Variants in AP4E1 observed in about 807,000 individuals in gnomAD.
The protein encoded by AP4E1 is AP-4 complex subunit epsilon-1.
A neutral mutation model predicts 128.2 loss-of-function variants in AP4E1; 56 were observed. The ratio of observed to expected loss-of-function variants is 0.44; its 90% CI spans 0.35 to 0.55. The LOEUF (loss-of-function observed/expected upper bound fraction) is 0.55. Among genes scored for constraint, AP4E1 ranks in the 20% least tolerant of loss-of-function variants. AP4E1 has a pLI of 0.00. For synonymous variants in AP4E1, 484 were observed against 473.1 expected (o/e 1.02, Z -0.30); for missense variants, 1,324 against 1,307.7 (o/e 1.01, Z -0.19).
chr15:50,990,518 C>G (rs867733722), intron 16 of AP4E1, among the ~76,000 whole-genome samples: 1 of 151,674 alleles, frequency 6.6e-6, no homozygotes, highest in South Asian at 2.1e-4. Flanking sequence ...CATTCAAAGC[C>G]GGGATTACAG....
chr15:50,971,556 C>T (rs1297002279), intron 15 of AP4E1, among the ~76,000 whole-genome samples: 1 of 152,114 alleles, frequency 6.6e-6, no homozygotes, highest in Non-Finnish European at 1.5e-5. Flanking sequence ...CTTCTCTTCT[C>T]CTTCTGAAAT....
At chr15:50,917,850 A>G (rs1273630769) in intron 3 of AP4E1, among the ~76,000 whole-genome samples, 1 of 152,232 alleles carries the variant, frequency 6.6e-6, no homozygotes, top group Non-Finnish European at 1.5e-5. Context: ...GTGTAATCCC[A>G]GCACTTTGGG....
chr15:50,968,584 C>G, intron 15 of AP4E1, among the ~76,000 whole-genome samples: 1 of 152,080 alleles, frequency 6.6e-6, no homozygotes, highest in Non-Finnish European at 1.5e-5. Flanking sequence ...CATAGGCTCT[C>G]TATCCACAAA....
intron 15 of AP4E1, among the ~76,000 whole-genome samples, chr15:50,983,477 A>G (rs2064670157): frequency 6.6e-6 from 1 of 152,174 alleles, no homozygotes; most frequent in Admixed American, 6.5e-5. Context: ...GAGAGTGGAT[A>G]TTGGCATCTG....
intron 14 of AP4E1, among the ~76,000 whole-genome samples, chr15:50,964,570 A>C (rs1228915620): frequency 6.7e-6 from 1 of 148,188 alleles, no homozygotes; most frequent in Non-Finnish European, 1.5e-5. Flanking sequence ...TCACATTGAC[A>C]TATGTGTATC....
At chr15:50,916,350 A>C (rs1222703033) in intron 3 of AP4E1, among the ~76,000 whole-genome samples, 3 of 152,234 alleles carry the variant, frequency 2.0e-5, no homozygotes, top group Non-Finnish European at 2.9e-5. Flanking sequence ...TTAGCTTCTC[A>C]AATGTTAGCT....
chr15:50,907,609 T>C (rs2063501927), upstream of AP4E1, among the ~76,000 whole-genome samples: 1 of 152,150 alleles, frequency 6.6e-6, no homozygotes, highest in Admixed American at 6.5e-5. Context: ...ATTTATGCCC[T>C]AAACCTACTA....
Position 50,915,564 on chromosome 15 carries a change from AAG to A in AP4E1, c.342_343del (p.Arg114SerfsTer12). 1 of 1,613,602 alleles carries A rather than the reference AAG, an allele frequency of 6.2e-7. No individual in the cohort carries two copies. The highest frequency in any genetic ancestry group is 8.5e-7 in the Non-Finnish European group (1 of 1,179,716). On this transcript the variant is annotated frameshift_variant, in exon 3 of 21. Coordinates refer to ENST00000261842, the MANE Select transcript of AP4E1 (RefSeq NM_007347.5). LOFTEE classifies it high-confidence loss of function. ...CCCAACAAGGAAACCTCTTAGAAAA[AAG>A]AGTAGGTATGTATGTGTTTTAAGAC... is the stretch of plus-strand genomic sequence containing the variant. Reference protein sequence around the residue: ...LAQQGNLLEKRVGYLAVSLFL... With the variant: ...LAQQGNLLEKXVGYLAVSLFL...
chr15:50,973,343 TTC>T (rs1358959749), intron 15 of AP4E1, among the ~76,000 whole-genome samples: 4 of 152,228 alleles, frequency 2.6e-5, no homozygotes, highest in Non-Finnish European at 4.4e-5. Context: ...AGGCCTGATG[TTC>T]TCTTTTTCCA....
chr15:50,972,214 CTTTCTTTT>C (rs890466850), intron 15 of AP4E1, among the ~76,000 whole-genome samples: 125 of 151,910 alleles, frequency 8.2e-4, no homozygotes, highest in African/African-American at 2.8e-3. Flanking sequence ...TTCTTTCTTT[CTTTCTTTT>C]TTCTTTTGAG....
chr15:50,997,337 A>G lies in AP4E1; in HGVS notation c.2358A>G (p.Ala786=), dbSNP rs1347434097. 4.4e-6 allele frequency: 7 copies of G among 1,596,428 alleles called. No homozygotes were observed. The highest frequency in any genetic ancestry group is 6.0e-6 in the Non-Finnish European group (7 of 1,175,576). The stretch of plus-strand genomic sequence containing the variant: ...TTTTATTTTTGCAGCTGGGAAAAGC[A>G]GATACTGTCTCTCACAAGTTCAGAA... ...SESTINLLGK[A]DTVSHKFRRK... is the part of the protein sequence containing the mutation. The change falls in exon 18 of 21, where the codon GCA becomes GCG. Residue 786 remains alanine, a synonymous_variant. Transcript: ENST00000261842.
intron 13 of AP4E1, among the ~76,000 whole-genome samples, chr15:50,950,669 A>C (rs1420333374): frequency 6.6e-6 from 1 of 151,920 alleles, no homozygotes; most frequent in Non-Finnish European, 1.5e-5. Context: ...GGTTTGTTAC[A>C]TAGGTAAACG....
chr15:50,988,275 C>T (rs2064756200), intron 16 of AP4E1, among the ~76,000 whole-genome samples: 1 of 152,094 alleles, frequency 6.6e-6, no homozygotes, highest in Non-Finnish European at 1.5e-5. Flanking sequence ...GAACTCAGTT[C>T]TGCTGATCAT....
Position 50,929,038 on chromosome 15 carries a change from CATT to C in AP4E1, c.575_577del (p.Leu192del), listed in dbSNP as rs1401220507. ...ATTGTACGAAGAAAAGCTGTTCTGG[CATT>C]ATACAAATTCCATCTCATTGCTCCT... On this transcript the variant is annotated inframe_deletion, in exon 6 of 21. Transcript: ENST00000261842. 6.2e-7 allele frequency: 1 copy of C among 1,613,644 alleles called. No homozygotes were observed. The highest frequency in any genetic ancestry group is 1.3e-5 in the African/African-American group (1 of 74,886).
intron 20 of AP4E1, among the ~76,000 whole-genome samples, 172 bp from the exon 21 acceptor site, chr15:51,002,330 T>A (rs775745399): frequency 6.6e-6 from 1 of 152,236 alleles, no homozygotes; most frequent in Non-Finnish European, 1.5e-5. Flanking sequence ...TTAGCCATCC[T>A]AATGTGTATG....
At chr15:50,994,487 T>C (rs1008637706) in intron 17 of AP4E1, among the ~76,000 whole-genome samples, 1 of 152,194 alleles carries the variant, frequency 6.6e-6, no homozygotes, top group African/African-American at 2.4e-5. Flanking sequence ...TGTCTCTTTC[T>C]TTTCTAGACT....
At chr15:51,001,919 C>A (rs746515804) in intron 20 of AP4E1, among the ~76,000 whole-genome samples, 1 of 151,928 alleles carries the variant, frequency 6.6e-6, no homozygotes, top group African/African-American at 2.4e-5. Context: ...CACTTTGTTA[C>A]CCATGCTGGA....
rs1450837383 is a variant in AP4E1, at chr15:51,001,186, T to C, written c.3253+3T>C. ...ACTCCATATTATTGAGATTATAGGT[T>C]TGTAGAGTTATAAAAAGGCTATTCT... On this transcript the variant is annotated splice_donor_region_variant and intron_variant, in intron 20 of 20. Coordinates refer to ENST00000261842, the MANE Select transcript of AP4E1 (RefSeq NM_007347.5). The C allele has an allele frequency of 6.2e-7, 1 of 1,612,680 alleles. No individual in the cohort carries two copies. The highest frequency in any genetic ancestry group is 8.5e-7 in the Non-Finnish European group (1 of 1,179,212).
intron 16 of AP4E1, among the ~76,000 whole-genome samples, chr15:50,985,907 G>A (rs2064716233): frequency 1.3e-5 from 2 of 152,278 alleles, no homozygotes; most frequent in South Asian, 4.1e-4. Flanking sequence ...TGGGCAATAT[G>A]GCCATTTTCA....
Sources: allele counts gnomAD v4.1 joint callset (sites outside exome capture counted in the v4.1 genomes callset), GRCh38; gene constraint gnomAD v4.1.1; transcripts MANE v1.5; gene names NCBI Gene and HGNC (gene_info 2026-07-23, HGNC 2026-07-21).